The following ATG7 variants were observed in gnomAD, a reference collection of about 807,000 sequenced individuals.
ATG7 encodes the protein ubiquitin-like modifier-activating enzyme ATG7.
A neutral mutation model predicts 82.4 loss-of-function variants in ATG7; 70 were observed. The ratio of observed to expected loss-of-function variants is 0.85; its 90% CI spans 0.70 to 1.04. The LOEUF (loss-of-function observed/expected upper bound fraction) is 1.04, where lower values mean the gene tolerates loss of function less well. ATG7 is among the 50% of genes least tolerant of loss of function. The pLI is 0.00. For missense variants in ATG7, 792 were observed against 864.3 expected, an observed-to-expected ratio of 0.92 and a Z score of 1.05; for synonymous variants, 287 against 313.0, an observed-to-expected ratio of 0.92 and a Z score of 0.88.
At chr3:11,462,175 C>T (rs1166903876) in intron 20 of ATG7, among the ~76,000 whole-genome samples, 4 of 152,100 alleles carry the variant, frequency 2.6e-5, no homozygotes, top group African/African-American at 4.8e-5. Context: ...TGTTTAAGAG[C>T]GTCTGCCACC....
chr3:11,561,725 AGT>A (rs2073024275), downstream of ATG7, among the ~76,000 whole-genome samples: 1 of 151,920 alleles, frequency 6.6e-6, no homozygotes, highest in African/African-American at 2.4e-5. Context: ...CCCTGTTGGA[AGT>A]TACGCTGCGG....
At chr3:11,290,655 A>C in intron 3 of ATG7, 2 of 238,394 alleles carry the variant, frequency 8.4e-6, no homozygotes, top group South Asian at 7.7e-5. Flanking sequence ...ACCAGGAACC[A>C]CTATCTGCAA....
chr3:11,306,906 A>G, intron 5 of ATG7, 37 bp from the exon 6 acceptor site: 2 of 1,559,526 alleles, frequency 1.3e-6, no homozygotes, highest in Non-Finnish European at 1.8e-6. Context: ...GCTGAGTCCC[A>G]GCTGTGCCTG....
chr3:11,321,211 T>G (rs757212145), intron 9 of ATG7, among the ~76,000 whole-genome samples: 12 of 151,990 alleles, frequency 7.9e-5, no homozygotes, highest in Admixed American at 1.3e-4. Flanking sequence ...AAGACAGGAG[T>G]TAGCCTGCCT....
chr3:11,402,043 C>T (rs578125623), intron 19 of ATG7, among the ~76,000 whole-genome samples: 1 of 152,068 alleles, frequency 6.6e-6, no homozygotes, highest in Admixed American at 6.6e-5. Flanking sequence ...ATGTAAATAC[C>T]CATGCAACTG....
intron 20 of ATG7, among the ~76,000 whole-genome samples, chr3:11,447,659 C>T (rs2454511): frequency 0.21 from 32,485 of 151,942 alleles, 3,915 homozygotes; most frequent in South Asian, 0.34. Flanking sequence ...AACATGGACT[C>T]GGGCAGTTCC....
intron 20 of ATG7, among the ~76,000 whole-genome samples, chr3:11,465,592 A>G (rs2086751641): frequency 6.6e-6 from 1 of 151,946 alleles, no homozygotes; most frequent in Non-Finnish European, 1.5e-5. Flanking sequence ...AAAGTTAGTA[A>G]AAAATAATAA....
At chr3:11,376,624 TTGTACAGAGTC>T (rs2077434071) in intron 18 of ATG7, among the ~76,000 whole-genome samples, 1 of 152,174 alleles carries the variant, frequency 6.6e-6, no homozygotes, top group South Asian at 2.1e-4. Context: ...AGCTTAGCAG[TTGTACAGAGTC>T]TGTAAAAAAA....
At chr3:11,462,680 G>C (rs2086431590) in intron 20 of ATG7, among the ~76,000 whole-genome samples, 1 of 152,192 alleles carries the variant, frequency 6.6e-6, no homozygotes, top group East Asian at 1.9e-4. Context: ...CATGTCAGAA[G>C]TGTACTCCTG....
chr3:11,290,174 T>C (rs1231453153), intron 3 of ATG7, among the ~76,000 whole-genome samples: 1 of 152,218 alleles, frequency 6.6e-6, no homozygotes, highest in African/African-American at 2.4e-5. Context: ...AACTCTCTCA[T>C]GAACAAGTAG....
chr3:11,423,906 A>G (rs2082147928), intron 19 of ATG7, among the ~76,000 whole-genome samples: 1 of 151,568 alleles, frequency 6.6e-6, no homozygotes, highest in South Asian at 2.1e-4. Context: ...CCAAATTTGT[A>G]TTTTTCTGTC....
At position 11,498,858 on chromosome 3, in the gene ATG7, C is replaced by T. The variant is rs1464485463; in HGVS notation, c.2080-55953C>T. Reference sequence around the variant, plus strand: ...CTCTCTGAACTCCTGAAATGGCTGCCGATCCTAGGAGAGTGTATGAGCCAA... The same window carrying T: ...CTCTCTGAACTCCTGAAATGGCTGCTGATCCTAGGAGAGTGTATGAGCCAA... On this transcript the variant is annotated intron_variant, in intron 20 of 20. Transcript: ENST00000693202. Among the ~76,000 whole-genome samples the T allele has an allele frequency of 2.4e-4, 37 of 152,174 alleles. 1 individual carries two copies. Among genetic ancestry groups the T allele is most frequent in the Non-Finnish European group, 5.4e-4 (37 of 68,038 alleles).
chr3:11,360,460 T>C, intron 15 of ATG7, 121 bp from the exon 16 acceptor site: 1 of 963,608 alleles, frequency 1.0e-6, no homozygotes. Flanking sequence ...TTAGCTTTTA[T>C]AATCTAATTA....
At chr3:11,551,784 T>C (rs977692790) in intron 20 of ATG7, among the ~76,000 whole-genome samples, 6 of 151,820 alleles carry the variant, frequency 4.0e-5, no homozygotes, top group Non-Finnish European at 8.8e-5. Context: ...GGTCTCACCC[T>C]GTCGCCCAGG....
intron 19 of ATG7, among the ~76,000 whole-genome samples, chr3:11,385,549 C>G (rs971450542): frequency 2.0e-5 from 3 of 152,180 alleles, no homozygotes; most frequent in African/African-American, 7.2e-5. Context: ...GGAACACTGC[C>G]TAGAGGGTGA....
chr3:11,273,799 A>G (rs1331590636), intron 1 of ATG7, among the ~76,000 whole-genome samples: 4 of 152,170 alleles, frequency 2.6e-5, no homozygotes, highest in Non-Finnish European at 1.5e-5. Context: ...CGGCATTGTC[A>G]GTAAGGGTTG....
In ATG7 at chr3:11,301,537, A is replaced by G. The variant is rs1384202420; in HGVS notation, c.215+2121A>G. Among the ~76,000 whole-genome samples the G allele has an allele frequency of 2.0e-5, 3 of 152,306 alleles. No individual in the cohort carries two copies. The South Asian group carries it at 6.2e-4, about 32-fold the overall frequency. On this transcript the variant is annotated intron_variant, in intron 5 of 20. Transcript: ENST00000693202. The stretch of plus-strand genomic sequence containing the variant: ...GAAAGCACGATGTACATCCACAATG[A>G]TTTTAGTATTTGTATCTTTAAAAAT...
At chr3:11,447,911 T>C (rs1384476715) in intron 20 of ATG7, among the ~76,000 whole-genome samples, 1 of 152,212 alleles carries the variant, frequency 6.6e-6, no homozygotes, top group African/African-American at 2.4e-5. Context: ...CTGATGCAGA[T>C]GGATGGGTGT....
rs2090377518 is a variant in ATG7 at position 11,491,749 on chromosome 3, T to G, written c.2080-63062T>G. ...TGCTAGAGGTCCAGTCCAGACCCTG[T>G]TTGCCTGGGTACTAGCAGCGGTGTC... On this transcript the variant is annotated intron_variant, in intron 20 of 20. Transcript: ENST00000693202. 2.0e-5 allele frequency among the ~76,000 whole-genome samples: 3 copies of G among 152,100 alleles called. No individual in the cohort carries two copies. In the South Asian group the frequency reaches 6.2e-4, roughly 31 times the overall value.
Sources: allele counts gnomAD v4.1 joint callset (sites outside exome capture counted in the v4.1 genomes callset), GRCh38; gene constraint gnomAD v4.1.1; transcripts MANE v1.5; gene names NCBI Gene and HGNC (gene_info 2026-07-23, HGNC 2026-07-21).